COG5: variants seen among roughly 807,000 people sequenced by gnomAD.
COG5 encodes the protein component of oligomeric golgi complex 5, also known as conserved oligomeric Golgi complex subunit 5.
COG5 carries 86 observed loss-of-function variants against 110.4 expected under a neutral mutation model. The observed-to-expected ratio is 0.78, with a 90% CI of 0.65 to 0.93. The LOEUF is 0.93. Among genes scored for constraint, COG5 ranks in the 40% least tolerant of loss-of-function variants. The pLI, the probability that COG5 is intolerant of heterozygous loss-of-function variation, is 0.00. For missense variants in COG5, 1,077 were observed against 987.0 expected, an observed-to-expected ratio of 1.09 and a Z score of -1.22; for synonymous variants, 360 against 334.6, an observed-to-expected ratio of 1.08 and a Z score of -0.83.
At chr7:107,318,167 A>G (rs1808928086) in intron 11 of COG5, among the ~76,000 whole-genome samples, 1 of 152,034 alleles carries the variant, frequency 6.6e-6, no homozygotes, top group African/African-American at 2.4e-5. Context: ...AGCTGGGACT[A>G]CAGACGCGTG....
At chr7:107,218,124 T>G (rs1489111467) in intron 19 of COG5, among the ~76,000 whole-genome samples, 2 of 151,968 alleles carry the variant, frequency 1.3e-5, no homozygotes, top group African/African-American at 2.4e-5. Flanking sequence ...TAGGAATAAA[T>G]GTACTTAGGA....
intron 11 of COG5, among the ~76,000 whole-genome samples, chr7:107,317,744 T>C (rs1381454657): frequency 3.9e-5 from 6 of 152,142 alleles, no homozygotes; most frequent in Non-Finnish European, 7.3e-5. Flanking sequence ...ATAAAAATTA[T>C]TAGACATGCA....
intron 6 of COG5, among the ~76,000 whole-genome samples, chr7:107,520,773 TCA>T (rs1800267784): frequency 6.6e-6 from 1 of 152,152 alleles, no homozygotes; most frequent in Non-Finnish European, 1.5e-5. Flanking sequence ...TTAACATTCT[TCA>T]CAGAGTTAGA....
At position 107,518,387 on chromosome 7, in the gene COG5, C is replaced by A. The variant is rs115765771; in HGVS notation, c.538+8850G>T. 5.5e-3 allele frequency among the ~76,000 whole-genome samples: 841 copies of A among 152,078 alleles called. 8 individuals are homozygous for A. Among genetic ancestry groups the A allele is most frequent in the African/African-American group, 0.02 (810 of 41,468 alleles). On this transcript the variant is annotated intron_variant, in intron 6 of 21. Transcript: ENST00000297135. ...GGCAAATTGAATAAAGAGTCAAGAT[C>A]AACTGATGAGCTATATTCAGGAGAC...
chr7:107,366,905 C>T (rs539506150), intron 8 of COG5, among the ~76,000 whole-genome samples: 1 of 152,130 alleles, frequency 6.6e-6, no homozygotes, highest in African/African-American at 2.4e-5. Flanking sequence ...ATAAAAGGTG[C>T]ATTCTGACCA....
chr7:107,561,508 A>T (rs559571018), intron 1 of COG5, among the ~76,000 whole-genome samples: 13 of 152,348 alleles, frequency 8.5e-5, no homozygotes, highest in African/African-American at 3.1e-4. Flanking sequence ...TCAAGAAAGG[A>T]ATCAAATGTT....
At chr7:107,500,259 T>C (rs1383035516) in intron 6 of COG5, among the ~76,000 whole-genome samples, 1 of 152,170 alleles carries the variant, frequency 6.6e-6, no homozygotes, top group Non-Finnish European at 1.5e-5. Context: ...TCAGGAACTT[T>C]TGCTGACAAA....
At chr7:107,434,484 G>A (rs1187482677) in intron 6 of COG5, among the ~76,000 whole-genome samples, 2 of 152,124 alleles carry the variant, frequency 1.3e-5, no homozygotes, top group Non-Finnish European at 2.9e-5. Context: ...GGTACAGTGT[G>A]TACACTGCTT....
intron 5 of COG5, among the ~76,000 whole-genome samples, chr7:107,538,897 T>C (rs1032502192): frequency 6.6e-6 from 1 of 152,214 alleles, no homozygotes; most frequent in Admixed American, 6.5e-5. Flanking sequence ...CAAAATGTGA[T>C]ATATTCATAA....
At chr7:107,407,755 AG>A (rs1475638468) in intron 7 of COG5, among the ~76,000 whole-genome samples, 1 of 152,108 alleles carries the variant, frequency 6.6e-6, no homozygotes, top group Non-Finnish European at 1.5e-5. Context: ...ACAAACAGCC[AG>A]GTAAATTCGA....
intron 14 of COG5, among the ~76,000 whole-genome samples, chr7:107,263,203 G>C (rs976545006): frequency 6.6e-6 from 1 of 152,252 alleles, no homozygotes; most frequent in Non-Finnish European, 1.5e-5. Context: ...CCCATCTTCA[G>C]CCACTTTAAC....
intron 6 of COG5, among the ~76,000 whole-genome samples, chr7:107,508,778 G>A (rs903748432): frequency 2.6e-5 from 4 of 152,156 alleles, no homozygotes; most frequent in Non-Finnish European, 5.9e-5. Context: ...CTGATACCCA[G>A]GCAAACAGGG....
At position 107,527,275 on chromosome 7, in the gene COG5, C is replaced by A. The variant is rs1403779626; in HGVS notation, c.500G>T (p.Arg167Ile). The A allele has an allele frequency of 3.1e-6, 5 of 1,608,600 alleles. No homozygotes were observed. Among genetic ancestry groups the A allele is most frequent in the Non-Finnish European group, 4.2e-6 (5 of 1,177,130 alleles). Residue 167 changes from arginine (R) to isoleucine (I), a missense_variant, in exon 6 of 22, where the codon AGA (arginine) becomes ATA (isoleucine). Physicochemically the swap from Arg to Ile is moderately conservative, Grantham distance 97. Coordinates refer to ENST00000297135, the MANE Select transcript of COG5 (RefSeq NM_006348.5). ...RLQGQLQGGS[R>I]EITKAAQSLN... The stretch of plus-strand genomic sequence containing the variant: ...ACTCTGAGCAGCTTTTGTTATCTCT[C>A]TACTTCCCCCTTGCAGTTGTCCTTG...
At chr7:107,368,033 A>G (rs955803216) in intron 8 of COG5, among the ~76,000 whole-genome samples, 2 of 152,184 alleles carry the variant, frequency 1.3e-5, no homozygotes. Context: ...CAAAAATAAC[A>G]TAACTAACAA....
chr7:107,208,646 AG>A, intron 21 of COG5: 1 of 985,496 alleles, frequency 1.0e-6, no homozygotes, highest in Non-Finnish European at 1.2e-6. Context: ...AGATTTTACC[AG>A]GAACATTCAC....
At position 107,298,186 on chromosome 7, in the gene COG5, T is replaced by G; in HGVS notation, c.1269A>C (p.Glu423Asp). The change falls in exon 12 of 22, where the codon GAA (glutamate) becomes GAC (aspartate). Residue 423 changes from glutamate (E) to aspartate (D), a missense_variant. Transcript: ENST00000297135. ...TDLYVDLQHM[E>D]DDAQDIFIPK... ...GTATGAATATATCTTGTGCATCATC[T>G]TCCATGTGTTGTAGGTCAACATAGA... 2 of 1,612,580 alleles carry G rather than the reference T, an allele frequency of 1.2e-6. No homozygotes were observed. The highest frequency in any genetic ancestry group is 1.7e-6 in the Non-Finnish European group (2 of 1,179,094).
intron 6 of COG5, among the ~76,000 whole-genome samples, chr7:107,517,950 C>A (rs991388223): frequency 2.0e-5 from 3 of 152,116 alleles, no homozygotes; most frequent in Non-Finnish European, 4.4e-5. Context: ...CCCGCCTCGG[C>A]GTCCCAAAGT....
chr7:107,361,489 T>G (rs1813108309), intron 10 of COG5, among the ~76,000 whole-genome samples: 1 of 152,190 alleles, frequency 6.6e-6, no homozygotes, highest in Non-Finnish European at 1.5e-5. Context: ...GTATATACAT[T>G]ACAGAAATTA....
In COG5 at chr7:107,474,781, C is replaced by G; in HGVS notation, c.538+52456G>C. The G allele has an allele frequency of 6.2e-7, 1 of 1,610,906 alleles. No homozygotes were observed. Among genetic ancestry groups the G allele is most frequent in the African/African-American group, 1.3e-5 (1 of 74,788 alleles). On this transcript the variant is annotated intron_variant, in intron 6 of 21. Coordinates refer to ENST00000297135, the MANE Select transcript of COG5 (RefSeq NM_006348.5). The surrounding 1 kb of genome is among the most constrained non-coding windows in gnomAD (Gnocchi z 5.7). ...CAAAATACTTCAGGCTCTTAATATT[C>G]GAATAGGCACAAGATTTTCAACAGG...
Sources: gnomAD v4.1 joint callset for allele counts (sites outside exome capture counted in the v4.1 genomes callset) on GRCh38, gnomAD v4.1.1 for gene constraint, Gnocchi (gnomAD v3.1) non-coding constraint, MANE v1.5 for transcripts, NCBI Gene and HGNC (gene_info 2026-07-23, HGNC 2026-07-21) for gene names.